The following MKLN1 variants were observed in gnomAD, a reference collection of about 807,000 sequenced individuals.
MKLN1 encodes the protein muskelin.
A neutral mutation model predicts 99.0 loss-of-function variants in MKLN1; 18 were observed. The observed-to-expected ratio is 0.18, with a 90% CI of 0.13 to 0.27. The LOEUF (loss-of-function observed/expected upper bound fraction) is 0.27. MKLN1 is among the 10% of genes least tolerant of loss of function. The pLI is 1.00. For missense variants in MKLN1, 621 were observed against 875.9 expected (o/e 0.71, Z 3.67); for synonymous variants, 288 against 293.2 (o/e 0.98, Z 0.18).
intron 3 of MKLN1, among the ~76,000 whole-genome samples, chr7:131,300,241 A>G (rs1217079357): frequency 6.6e-6 from 1 of 152,050 alleles, no homozygotes; most frequent in African/African-American, 2.4e-5. Context: ...AATAGGTGCA[A>G]TAAGAATGAC....
intron 5 of MKLN1, among the ~76,000 whole-genome samples, chr7:131,398,094 C>G (rs1794412822): frequency 6.6e-6 from 1 of 152,260 alleles, no homozygotes; most frequent in Non-Finnish European, 1.5e-5. Context: ...TTCCTAAACA[C>G]ATTATTTTCT....
intron 3 of MKLN1, among the ~76,000 whole-genome samples, chr7:131,270,218 G>A (rs966674325): frequency 2.0e-5 from 3 of 150,820 alleles, no homozygotes; most frequent in South Asian, 4.2e-4. Context: ...CATGCACCCG[G>A]CCTATTTTTA....
chr7:131,375,417 AT>A lies in MKLN1; in HGVS notation c.99-5del. 6.3e-7 allele frequency: 1 copy of A among 1,596,756 alleles called. No homozygotes were observed. Among genetic ancestry groups the A allele is most frequent in the Non-Finnish European group, 8.6e-7 (1 of 1,164,666 alleles). On this transcript the variant is annotated splice_polypyrimidine_tract_variant and splice_region_variant and intron_variant, in intron 1 of 17. Transcript: ENST00000352689. Reference sequence around the variant, plus strand: ...CTCTTAATTTTTTAATACTTTCTTTATTCCAGGAACATTTTAGTGGACAAAC... The same window carrying A: ...CTCTTAATTTTTTAATACTTTCTTTATCCAGGAACATTTTAGTGGACAAAC...
At chr7:131,376,120 A>ATG (rs1450577245) in intron 2 of MKLN1, among the ~76,000 whole-genome samples, 12 of 262 alleles carry the variant, frequency 0.046, no homozygotes, top group Non-Finnish European at 0.079. Context: ...ATATATATAT[A>ATG]TATATATATA....
chr7:131,360,685 A>C (rs1800003556), intron 1 of MKLN1, among the ~76,000 whole-genome samples: 1 of 152,124 alleles, frequency 6.6e-6, no homozygotes, highest in Non-Finnish European at 1.5e-5. Flanking sequence ...TATTTGTTAG[A>C]TCAGTTTAAG....
At chr7:131,334,484 T>G (rs552102035) in intron 1 of MKLN1, among the ~76,000 whole-genome samples, 1 of 152,320 alleles carries the variant, frequency 6.6e-6, no homozygotes, top group Non-Finnish European at 1.5e-5. Context: ...ATTCCTAGAA[T>G]TAGATATTTG....
chr7:131,333,281 C>T (rs1490117931), intron 1 of MKLN1, among the ~76,000 whole-genome samples: 2 of 150,882 alleles, frequency 1.3e-5, no homozygotes, highest in Admixed American at 1.3e-4. Context: ...CACTATGTTG[C>T]CCAGGCTGGT....
intron 1 of MKLN1, among the ~76,000 whole-genome samples, chr7:131,120,144 C>A (rs1353733867): frequency 8.8e-6 from 1 of 113,148 alleles, no homozygotes; most frequent in African/African-American, 3.6e-5. Flanking sequence ...GCACTCCAGC[C>A]TGGGGGACAG....
rs116057203 is a variant in MKLN1 at position 131,235,789 on chromosome 7, G to A, written c.-179+32815G>A. Among the ~76,000 whole-genome samples the A allele has an allele frequency of 5.9e-3, 896 of 152,232 alleles. 12 individuals are homozygous for A. Among genetic ancestry groups the A allele is most frequent in the African/African-American group, 0.021 (857 of 41,520 alleles). ...GGATTGTTTTAACCATTGGTGCCCC[G>A]CTGCTACCTTAGGCACATACTTATT... On this transcript the variant is annotated intron_variant, in intron 3 of 7. Coordinates refer to the MKLN1 transcript ENST00000416992.
At chr7:131,161,550 TTTTA>T (rs1796048078) in intron 2 of MKLN1, among the ~76,000 whole-genome samples, 1 of 152,176 alleles carries the variant, frequency 6.6e-6, no homozygotes, top group African/African-American at 2.4e-5. Flanking sequence ...GGTATTCTTT[TTTTA>T]TTTTTTATTT....
At chr7:131,143,068 G>T (rs1795760991) in intron 2 of MKLN1, 1 of 513,320 alleles carries the variant, frequency 1.9e-6, no homozygotes, top group African/African-American at 2.0e-5. Context: ...GTCCTCACTA[G>T]TCTAGTTGTT....
At chr7:131,466,697 T>C (rs2116625208) in intron 15 of MKLN1, among the ~76,000 whole-genome samples, 1 of 152,340 alleles carries the variant, frequency 6.6e-6, no homozygotes, top group East Asian at 1.9e-4. Flanking sequence ...AACTAAAAGC[T>C]AACTACAAAT....
At chr7:131,177,955 G>A (rs1388016894) in intron 2 of MKLN1, among the ~76,000 whole-genome samples, 2 of 152,162 alleles carry the variant, frequency 1.3e-5, no homozygotes, top group Non-Finnish European at 1.5e-5. Context: ...GTCACCTTTA[G>A]TGTGTGGTAC....
At chr7:131,186,353 T>TAA (rs1366386206) in intron 2 of MKLN1, among the ~76,000 whole-genome samples, 2 of 151,220 alleles carry the variant, frequency 1.3e-5, no homozygotes, top group Non-Finnish European at 3.0e-5. Context: ...AAAATAATTT[T>TAA]AAAAATGAGC....
intron 2 of MKLN1, among the ~76,000 whole-genome samples, chr7:131,384,510 G>T (rs1221272925): frequency 6.6e-6 from 1 of 152,092 alleles, no homozygotes; most frequent in Non-Finnish European, 1.5e-5. Context: ...CCTTTCTGAG[G>T]TCCTTTGAAG....
At chr7:131,147,389 G>C (rs546364194) in intron 2 of MKLN1, among the ~76,000 whole-genome samples, 1 of 152,136 alleles carries the variant, frequency 6.6e-6, no homozygotes, top group Non-Finnish European at 1.5e-5. Flanking sequence ...GCTTCCACAT[G>C]TATGTTACTT....
intron 1 of MKLN1, among the ~76,000 whole-genome samples, chr7:131,121,273 C>A (rs1006269361): frequency 6.6e-6 from 1 of 152,132 alleles, no homozygotes; most frequent in African/African-American, 2.4e-5. Context: ...AGGTCCCTCC[C>A]CCAACATTGG....
intron 8 of MKLN1, among the ~76,000 whole-genome samples, chr7:131,423,995 G>T (rs975964725): frequency 6.6e-6 from 1 of 152,172 alleles, no homozygotes; most frequent in Non-Finnish European, 1.5e-5. Flanking sequence ...TTGATGATCT[G>T]CTGGGTCATG....
intron 17 of MKLN1, among the ~76,000 whole-genome samples, chr7:131,479,196 T>G (rs1378061098): frequency 1.3e-5 from 2 of 152,184 alleles, no homozygotes; most frequent in African/African-American, 4.8e-5. Context: ...CTCAAACACT[T>G]TAGTCTTAAT....
Sources: allele counts gnomAD v4.1 joint callset (sites outside exome capture counted in the v4.1 genomes callset), GRCh38; gene constraint gnomAD v4.1.1; transcripts MANE v1.5; gene names NCBI Gene and HGNC (gene_info 2026-07-23, HGNC 2026-07-21).